Variants in NRAP observed in about 807,000 individuals in gnomAD.
NRAP encodes nebulin related anchoring protein.
NRAP carries 189 observed loss-of-function variants against 225.9 expected under a neutral mutation model. The ratio of observed to expected loss-of-function variants is 0.84; its 90% CI spans 0.74 to 0.94. The LOEUF is 0.94. Among genes scored for constraint, NRAP ranks in the 40% least tolerant of loss-of-function variants. The pLI, the probability that NRAP is intolerant of heterozygous loss-of-function variation, is 0.00. For synonymous variants in NRAP, 769 were observed against 790.7 expected, an observed-to-expected ratio of 0.97 and a Z score of 0.46; for missense variants, 2,176 against 2,168.7, an observed-to-expected ratio of 1.00 and a Z score of -0.07.
rs1848481334 is a variant in NRAP, at chr10:113,629,759, C to T, written c.1869G>A (p.Glu623=). The T allele has an allele frequency of 1.9e-6, 3 of 1,613,620 alleles. No homozygotes were observed. Among genetic ancestry groups the T allele is most frequent in the Non-Finnish European group, 2.5e-6 (3 of 1,179,598 alleles). ...TGGGCAGGTGAAACCGGGTCTTACT[C>T]TCTTCAAAGCCTTTCTTATATTCAA... ...SEVEYKKGFE[E]SKTRFHLPMD... is the part of the protein sequence containing the mutation. The change falls in exon 19 of 42, where the codon GAG becomes GAA. Residue 623 remains glutamate (E), a synonymous_variant. Coordinates refer to ENST00000359988, the MANE Select transcript of NRAP (RefSeq NM_198060.4).
chr10:113,631,490 G>C lies in NRAP; in HGVS notation c.1842+19C>G, dbSNP rs374912636. 19 of 1,485,950 alleles carry C rather than the reference G, an allele frequency of 1.3e-5. No homozygotes were observed. The highest frequency in any genetic ancestry group is 1.8e-5 in the Non-Finnish European group (19 of 1,078,194). 92.0% of individuals were successfully genotyped at this position (1,485,950 alleles called of 1,614,324 possible). A position where few individuals can be genotyped will look rare whatever the true frequency, so the allele number is the denominator to read the frequency against. On this transcript the variant is annotated intron_variant, in intron 18 of 41. Transcript: ENST00000359988. ...AACACAACTGTAAGTGAGAGGTTGGGGGTTAGAAAAGAGTTTACCTCACTG... is the reference window on the plus strand; with the variant it reads ...AACACAACTGTAAGTGAGAGGTTGGCGGTTAGAAAAGAGTTTACCTCACTG...
chr10:113,593,949 T>G (rs1384569328), intron 38 of NRAP, among the ~76,000 whole-genome samples: 3 of 152,246 alleles, frequency 2.0e-5, no homozygotes, highest in Non-Finnish European at 4.4e-5. Context: ...ATCGGGGGTC[T>G]CCCGAGTGTG....
chr10:113,597,001 G>A, intron 37 of NRAP, 85 bp downstream of exon 37: 1 of 890,536 alleles, frequency 1.1e-6, no homozygotes, highest in South Asian at 1.4e-5. Context: ...ACCCCCATCT[G>A]TCCAGAGCCT....
chr10:113,608,533 GGAA>G, intron 31 of NRAP, 21 bp from the exon 32 acceptor site: 1 of 1,474,424 alleles, frequency 6.8e-7, no homozygotes, highest in African/African-American at 1.4e-5. Context: ...ACACAAGAAG[GGAA>G]GAAGACGACT....
In NRAP at chr10:113,606,263, C is replaced by G; in HGVS notation, c.3722G>C (p.Gly1241Ala). 1 of 1,613,518 alleles carries G rather than the reference C, an allele frequency of 6.2e-7. No individual in the cohort carries two copies. The highest frequency in any genetic ancestry group is 8.5e-7 in the Non-Finnish European group (1 of 1,179,448). Residue 1241 changes from glycine (G) to alanine (A), a missense_variant, in exon 33 of 42, where the codon GGA becomes GCA. This residue lies in a region of NRAP where 1,708 missense variants were observed against 1,695.5 expected (regional missense o/e 1.01). Transcript: ENST00000359988. The part of the protein sequence containing the change: ...ITNERLYKAA[G>A]EDARHEYTMT... Reference sequence around the variant, plus strand: ...TGTATACTCGTGTCTTGCATCCTCTCCAGCTGCTTTATAGAGGCGCTAGGC... The same window carrying G: ...TGTATACTCGTGTCTTGCATCCTCTGCAGCTGCTTTATAGAGGCGCTAGGC...
chr10:113,631,658 C>G (rs369767602), intron 17 of NRAP, 48 bp from the exon 18 acceptor site: 4 of 1,257,150 alleles, frequency 3.2e-6, no homozygotes, highest in Admixed American at 3.7e-5. Context: ...GAAACTTTGC[C>G]GTCTAAGGGG....
In NRAP at chr10:113,622,185, A is replaced by G; in HGVS notation, c.2458-5T>C. 2.5e-6 allele frequency: 4 copies of G among 1,599,654 alleles called. No individual in the cohort carries two copies. The highest frequency in any genetic ancestry group is 3.4e-6 in the Non-Finnish European group (4 of 1,167,446). On this transcript the variant is annotated splice_polypyrimidine_tract_variant and splice_region_variant and intron_variant, in intron 23 of 41. Transcript: ENST00000359988. The stretch of plus-strand genomic sequence containing the variant: ...ATAATCCTCCTTGTACTTCACCTAA[A>G]TAAGAGGAATAGAGCAGGGATACAT...
intron 25 of NRAP, among the ~76,000 whole-genome samples, chr10:113,619,100 G>A (rs1017710863): frequency 2.0e-5 from 3 of 152,196 alleles, no homozygotes; most frequent in Non-Finnish European, 4.4e-5. Flanking sequence ...CCATCAAAGA[G>A]GATAAGCAAA....
chr10:113,644,376 T>A (rs1485191756), intron 11 of NRAP, among the ~76,000 whole-genome samples: 1 of 152,184 alleles, frequency 6.6e-6, no homozygotes, highest in Non-Finnish European at 1.5e-5. Context: ...AAACTTTTTC[T>A]ATAAATGACC....
At chr10:113,619,905 C>A (rs925798637) in intron 25 of NRAP, among the ~76,000 whole-genome samples, 2 of 152,150 alleles carry the variant, frequency 1.3e-5, no homozygotes, top group African/African-American at 4.8e-5. Flanking sequence ...ATGTCTCGAT[C>A]CATTTTTGGT....
At chr10:113,593,115 G>C (rs1273103631) in intron 38 of NRAP, among the ~76,000 whole-genome samples, 1 of 152,114 alleles carries the variant, frequency 6.6e-6, no homozygotes, top group Non-Finnish European at 1.5e-5. Flanking sequence ...CCAGTGGAGG[G>C]CTGTTCTTTA....
intron 32 of NRAP, 37 bp from the exon 33 acceptor site, chr10:113,606,319 A>G: frequency 2.3e-6 from 3 of 1,314,460 alleles, no homozygotes; most frequent in Non-Finnish European, 3.3e-6. Context: ...AATGCAAGAG[A>G]TAAGTGCTGT....
In NRAP at chr10:113,605,801, G is replaced by C. The variant is rs1846922526; in HGVS notation, c.3876C>G (p.Pro1292=). Residue 1292 remains proline (P), a synonymous_variant, in exon 34 of 42, where the codon CCC becomes CCG. Coordinates refer to ENST00000359988, the MANE Select transcript of NRAP (RefSeq NM_198060.4). ...QGYKLTIEAL[P]FQAARASGDI... is the part of the protein sequence containing the mutation. ...CTCCAGAGGCCCGGGCAGCCTGGAA[G>C]GGGAGCGCTTCTATTGTCAGCTTGT... 1 of 1,613,976 alleles carries C rather than the reference G, an allele frequency of 6.2e-7. No homozygotes were observed. Among genetic ancestry groups the C allele is most frequent in the Non-Finnish European group, 8.5e-7 (1 of 1,179,938 alleles).
At chr10:113,617,844 T>A (rs1044012210) in intron 25 of NRAP, among the ~76,000 whole-genome samples, 2 of 152,212 alleles carry the variant, frequency 1.3e-5, no homozygotes, top group South Asian at 4.1e-4. Context: ...AGGATTCTTT[T>A]TATAGGCTTC....
At chr10:113,614,440 G>C (rs1263386778) in intron 28 of NRAP, 144 bp from the exon 29 acceptor site, 1 of 650,820 alleles carries the variant, frequency 1.5e-6, no homozygotes, top group African/African-American at 1.8e-5. Context: ...CGTCAAAAGG[G>C]CTATTCTTTC....
chr10:113,589,585 A>G, intron 41 of NRAP, 81 bp downstream of exon 41: 9 of 1,529,950 alleles, frequency 5.9e-6, no homozygotes, highest in Non-Finnish European at 7.9e-6. Context: ...TTGGCCAAAA[A>G]TAAACTTTGA....
At chr10:113,624,709 A>G (rs1848188343) in intron 22 of NRAP, 117 bp downstream of exon 22, 1 of 721,412 alleles carries the variant, frequency 1.4e-6, no homozygotes, top group South Asian at 1.7e-5. Context: ...TACAACAACC[A>G]GATGTATGTA....
chr10:113,600,449 G>A (rs1045996257), intron 35 of NRAP, among the ~76,000 whole-genome samples: 1 of 152,098 alleles, frequency 6.6e-6, no homozygotes, highest in Non-Finnish European at 1.5e-5. Flanking sequence ...CAAAATGTGG[G>A]ATTACAGGTG....
chr10:113,643,973 C>A (rs1592843079), intron 11 of NRAP, among the ~76,000 whole-genome samples: 1 of 151,398 alleles, frequency 6.6e-6, no homozygotes, highest in East Asian at 1.9e-4. Context: ...GGGGTTTCAC[C>A]CCGTCTCTAC....
Sources: gnomAD v4.1 joint callset for allele counts (sites outside exome capture counted in the v4.1 genomes callset) on GRCh38, gnomAD v4.1.1 for gene constraint, gnomAD v4.1.1 regional missense constraint, MANE v1.5 for transcripts, NCBI Gene and HGNC (gene_info 2026-07-23, HGNC 2026-07-21) for gene names.